SLC9A7: variants seen among roughly 807,000 people sequenced by gnomAD.
The protein encoded by SLC9A7 is sodium/hydrogen exchanger 7.
SLC9A7 carries 19 observed loss-of-function variants against 52.6 expected under a neutral mutation model. That is an observed-to-expected ratio of 0.36 (90% confidence interval 0.25 to 0.53). The LOEUF is 0.53. SLC9A7 is among the 20% of genes least tolerant of loss of function. The probability of loss-of-function intolerance (pLI) is 0.91; values close to 1 mark genes in which losing one functional copy is unlikely to be tolerated. For synonymous variants in SLC9A7, 226 were observed against 252.1 expected (o/e 0.90, Z 0.98); for missense variants, 455 against 597.9 (o/e 0.76, Z 2.49).
rs1396815389 is a variant in SLC9A7, at chrX:46,662,021, C to G, written c.1036G>C (p.Ala346Pro). 8.4e-7 allele frequency: 1 copy of G among 1,191,663 alleles called. No individual in the cohort carries two copies. Among genetic ancestry groups the G allele is most frequent in the Non-Finnish European group, 1.1e-6 (1 of 884,958 alleles). The change falls in exon 7 of 17, where the codon GCT becomes CCT. Residue 346 changes from alanine to proline, a missense_variant. Ala to Pro is a conservative substitution (Grantham distance 27, BLOSUM62 -1). Around this residue, in one of 3 missense-constraint regions of SLC9A7, gnomAD observed 304 missense variants for 417.8 expected, o/e 0.73. Transcript: ENST00000616978. ...TMGAVTGVVT[A>P]LVTKFTKLHC... ...TGAAACTACAAAAAGGATATTAGAG[C>G]AGTCACAACACCAGTCACAGCTCCC...
chrX:46,634,847 C>G (rs1323201733), intron 13 of SLC9A7, among the ~76,000 whole-genome samples: 2 of 111,692 alleles, frequency 1.8e-5, no homozygotes, highest in African/African-American at 3.3e-5. Flanking sequence ...GTGCCGAGAA[C>G]AGAGTTGAAG....
chrX:46,635,393 A>C (rs1211476200), intron 13 of SLC9A7, among the ~76,000 whole-genome samples, 196 bp downstream of exon 13: 1 of 112,097 alleles, frequency 8.9e-6, no homozygotes, highest in Non-Finnish European at 1.9e-5. Flanking sequence ...TCCCAAGAAC[A>C]CTGACACATC....
Position 46,621,031 on chromosome X carries a change from C to T in SLC9A7, c.1769G>A (p.Arg590Gln), listed in dbSNP as rs369095231. Residue 590 changes from arginine to glutamine, a missense_variant, in exon 15 of 17, where the codon CGG (arginine) becomes CAG (glutamine). Arg to Gln is a conservative substitution (Grantham distance 43). Coordinates refer to ENST00000616978, the MANE Select transcript of SLC9A7 (RefSeq NM_001257291.2). ...TATCCATGCGCTCTCCTGTTTTGTC[C>T]GGTTTCCTCTGGCAGAATCTGGGCC... ...GDGPDSARGN[R>Q]TKQESAWIFR... 1.9e-5 allele frequency: 23 copies of T among 1,204,721 alleles called. No individual in the cohort carries two copies. The highest frequency in any genetic ancestry group is 3.5e-5 in the African/African-American group (2 of 57,146).
intron 1 of SLC9A7, among the ~76,000 whole-genome samples, chrX:46,688,934 AC>A (rs1162725069): frequency 9.0e-6 from 1 of 110,811 alleles, no homozygotes; most frequent in Non-Finnish European, 1.9e-5. Flanking sequence ...CAAATCTATG[AC>A]CTATATTTTT....
chrX:46,618,355 T>TA (rs1430726176), intron 15 of SLC9A7, among the ~76,000 whole-genome samples: 1 of 111,757 alleles, frequency 8.9e-6, no homozygotes, highest in East Asian at 2.8e-4. Context: ...CTAATACCCC[T>TA]AGCCTAGCCA....
At chrX:46,685,000 C>A (rs1331861802) in intron 1 of SLC9A7, 1 of 113,596 alleles carries the variant, frequency 8.8e-6, no homozygotes, top group Non-Finnish European at 1.9e-5. Context: ...CCCTGGTTGT[C>A]ACCACCCTCC....
intron 7 of SLC9A7, among the ~76,000 whole-genome samples, chrX:46,658,973 A>G (rs981938883): frequency 1.8e-5 from 2 of 111,720 alleles, no homozygotes; most frequent in Non-Finnish European, 3.8e-5. Flanking sequence ...AAAAATCCTC[A>G]GCAAAATACT....
At chrX:46,613,089 A>T (rs144790488) in intron 16 of SLC9A7, among the ~76,000 whole-genome samples, 200 bp downstream of exon 16, 108 of 110,731 alleles carry the variant, frequency 9.8e-4, no homozygotes, top group Middle Eastern at 4.7e-3. Flanking sequence ...GATGTGGGGG[A>T]ATCCCATTAC....
intron 16 of SLC9A7, among the ~76,000 whole-genome samples, chrX:46,607,970 C>T (rs12013644): frequency 0.032 from 3,620 of 112,464 alleles, 147 homozygotes; most frequent in African/African-American, 0.11. Context: ...GAAGGGCAAA[C>T]ACAGTGTCAA....
In SLC9A7 at chrX:46,709,278, G is replaced by A. The variant is rs181736350; in HGVS notation, c.326-26743C>T. The stretch of plus-strand genomic sequence containing the variant: ...AAAAATTAGCCTGCTGCGGTGGTGC[G>A]CACCTGTGGTCCCAGCTACTCAGGA... On this transcript the variant is annotated intron_variant, in intron 1 of 16. Transcript: ENST00000616978. Among the ~76,000 whole-genome samples, 15 of 110,405 alleles carry A rather than the reference G, an allele frequency of 1.4e-4. No homozygotes were observed. In the South Asian group the frequency reaches 2.4e-3, roughly 17 times the overall value.
At chrX:46,757,061 A>C (rs1922722632) in intron 1 of SLC9A7, among the ~76,000 whole-genome samples, 1 of 112,149 alleles carries the variant, frequency 8.9e-6, no homozygotes, top group Admixed American at 9.5e-5. Context: ...ATTGTCCTTT[A>C]AGAAACTGGG....
intron 1 of SLC9A7, among the ~76,000 whole-genome samples, chrX:46,710,445 C>T (rs910165331): frequency 2.7e-5 from 3 of 111,776 alleles, no homozygotes; most frequent in African/African-American, 9.8e-5. Flanking sequence ...GCAAAATTGT[C>T]ATATGTTGGA....
intron 1 of SLC9A7, among the ~76,000 whole-genome samples, chrX:46,709,688 T>C (rs1230743261): frequency 1.8e-5 from 2 of 112,184 alleles, no homozygotes; most frequent in African/African-American, 6.5e-5. Context: ...CATACAACAA[T>C]TGCTATCCTC....
chrX:46,758,952 C>T lies in SLC9A7; in HGVS notation c.78G>A (p.Pro26=), dbSNP rs782452954. ...GAPPPRLLLL[P]LLLGWGLRVA... The stretch of plus-strand genomic sequence containing the variant: ...CTCGCAGCCCCCAACCCAGCAGCAG[C>T]GGCAGCAGCAGCAGCCGCGGCGGCG... The change falls in exon 1 of 17, where the codon CCG becomes CCA. Residue 26 remains proline (P), a synonymous_variant. Coordinates refer to ENST00000616978, the MANE Select transcript of SLC9A7 (RefSeq NM_001257291.2). 4 of 1,077,502 alleles carry T rather than the reference C, an allele frequency of 3.7e-6. No homozygotes were observed. In the East Asian group the frequency reaches 1.6e-4, roughly 42 times the overall value. 88.8% of individuals were successfully genotyped at this position (1,077,502 alleles called of 1,213,427 possible). A position where few individuals can be genotyped will look rare whatever the true frequency, so the allele number is the denominator to read the frequency against.
intron 1 of SLC9A7, chrX:46,685,310 C>A: frequency 8.1e-6 from 1 of 123,092 alleles, no homozygotes; most frequent in South Asian, 3.0e-4. Flanking sequence ...CAACATCGAA[C>A]TCCACAGCTT....
intron 14 of SLC9A7, among the ~76,000 whole-genome samples, chrX:46,625,528 G>C (rs1943112598): frequency 9.1e-6 from 1 of 110,190 alleles, no homozygotes; most frequent in African/African-American, 3.3e-5. Flanking sequence ...TGGCCATCAT[G>C]GCGAAACCCG....
chrX:46,651,698 G>A (rs998418269), intron 8 of SLC9A7, among the ~76,000 whole-genome samples: 15 of 109,307 alleles, frequency 1.4e-4, no homozygotes, highest in Admixed American at 1.9e-4. Flanking sequence ...ATGTGGTGGC[G>A]TGGGCCTGTG....
chrX:46,668,448 G>C (rs1178247509), intron 5 of SLC9A7, among the ~76,000 whole-genome samples: 1 of 111,297 alleles, frequency 9.0e-6, no homozygotes, highest in Non-Finnish European at 1.9e-5. Context: ...CAGAGGTTAC[G>C]GTGAGCCAAG....
At chrX:46,608,266 T>C (rs1490254633) in intron 16 of SLC9A7, among the ~76,000 whole-genome samples, 1 of 112,719 alleles carries the variant, frequency 8.9e-6, no homozygotes, top group Non-Finnish European at 1.9e-5. Flanking sequence ...GAATGCCAGG[T>C]AAATGCACCA....
Sources: gnomAD v4.1 joint callset for allele counts (sites outside exome capture counted in the v4.1 genomes callset) on GRCh38, gnomAD v4.1.1 for gene constraint, gnomAD v4.1.1 regional missense constraint, MANE v1.5 for transcripts, NCBI Gene and HGNC (gene_info 2026-07-23, HGNC 2026-07-21) for gene names.